NAALADL2: variants seen among roughly 807,000 people sequenced by gnomAD.
NAALADL2 encodes the protein N-acetylated alpha-linked acidic dipeptidase like 2, also known as inactive N-acetylated-alpha-linked acidic dipeptidase-like protein 2.
Under a neutral mutation model 87.2 loss-of-function variants are expected in NAALADL2, and 76 were observed. The ratio of observed to expected loss-of-function variants is 0.87; its 90% CI spans 0.72 to 1.05. The LOEUF is 1.05. NAALADL2 is among the 50% of genes least tolerant of loss of function. The probability of loss-of-function intolerance (pLI) is 0.00; values close to 1 mark genes in which losing one functional copy is unlikely to be tolerated. For missense variants in NAALADL2, 1,089 were observed against 945.8 expected (o/e 1.15, Z -1.99); for synonymous variants, 354 against 331.0 (o/e 1.07, Z -0.75).
chr3:175,574,427 T>C (rs1225119945), intron 9 of NAALADL2, among the ~76,000 whole-genome samples: 3 of 152,126 alleles, frequency 2.0e-5, no homozygotes, highest in Admixed American at 6.5e-5. Flanking sequence ...AGAGTACTGA[T>C]TGGGTGTTTT....
At chr3:174,498,618 A>G (rs918748191) in intron 1 of NAALADL2, among the ~76,000 whole-genome samples, 1 of 150,110 alleles carries the variant, frequency 6.7e-6, no homozygotes, top group South Asian at 2.1e-4. Context: ...GATAAACTAT[A>G]TATAAACATA....
intron 2 of NAALADL2, chr3:174,551,267 C>T (rs1712097951): frequency 2.0e-5 from 3 of 152,042 alleles, no homozygotes; most frequent in Admixed American, 2.0e-4. Context: ...TTTGATACTA[C>T]CAAGTTTTTG....
intron 1 of NAALADL2, among the ~76,000 whole-genome samples, chr3:175,095,274 G>A (rs1720950760): frequency 6.6e-6 from 1 of 151,982 alleles, no homozygotes; most frequent in Non-Finnish European, 1.5e-5. Flanking sequence ...TTTTCTGCTA[G>A]AATCAATCAC....
At chr3:175,696,756 G>T (rs974982140) in intron 11 of NAALADL2, among the ~76,000 whole-genome samples, 17 of 152,096 alleles carry the variant, frequency 1.1e-4, no homozygotes, top group African/African-American at 4.1e-4. Context: ...ATAAAGAAAA[G>T]AAGTTTATTT....
chr3:175,187,866 C>A (rs1463478040), intron 2 of NAALADL2, among the ~76,000 whole-genome samples: 2 of 152,092 alleles, frequency 1.3e-5, no homozygotes, highest in African/African-American at 4.8e-5. Flanking sequence ...CTACAAGGAG[C>A]AAATAAACAC....
chr3:174,485,274 G>A lies in NAALADL2; in HGVS notation c.-184+44242G>A, dbSNP rs555445020. Among the ~76,000 whole-genome samples the A allele has an allele frequency of 1.4e-3, 213 of 151,972 alleles. 2 individuals carry two copies. Among genetic ancestry groups the A allele is most frequent in the African/African-American group, 4.9e-3 (202 of 41,508 alleles). ...TAAAGTATATGGGAGGATGTGCATA[G>A]GTTCTATGCAAATACTATGCAAGTT... On this transcript the variant is annotated intron_variant, in intron 1 of 3. Transcript: ENST00000434257.
chr3:174,797,862 G>A (rs1273963281), intron 3 of NAALADL2, among the ~76,000 whole-genome samples: 1 of 152,090 alleles, frequency 6.6e-6, no homozygotes, highest in Non-Finnish European at 1.5e-5. Flanking sequence ...CACAAATGTT[G>A]TAAATTTTGA....
intron 1 of NAALADL2, among the ~76,000 whole-genome samples, chr3:174,988,156 A>G (rs1015074030): frequency 1.3e-5 from 2 of 152,160 alleles, no homozygotes; most frequent in Non-Finnish European, 1.5e-5. Context: ...AGTTCTGCTC[A>G]TGAATCAAAG....
chr3:175,536,498 T>C (rs9861060), intron 9 of NAALADL2, among the ~76,000 whole-genome samples: 100,669 of 152,032 alleles, frequency 0.66, 36,875 homozygotes, highest in East Asian at 0.87. Context: ...CTGTACATGA[T>C]AGTAACAATT....
chr3:175,745,135 T>G (rs886657733), intron 12 of NAALADL2, among the ~76,000 whole-genome samples: 17 of 152,182 alleles, frequency 1.1e-4, no homozygotes, highest in African/African-American at 4.1e-4. Flanking sequence ...CAGACCATTC[T>G]CAACCGTTCT....
chr3:175,502,094 A>G (rs996529343), intron 9 of NAALADL2, among the ~76,000 whole-genome samples: 2 of 152,126 alleles, frequency 1.3e-5, no homozygotes, highest in African/African-American at 4.8e-5. Context: ...ATTGTGGGGA[A>G]CTAAAGAATA....
Position 174,913,864 on chromosome 3 carries a change from A to G in NAALADL2, c.43+54414A>G, listed in dbSNP as rs907712307. ...TAATATGTCCCAATACAATAAAAAT[A>G]TAATTAGAAAATGTTAGTCTTATCT... On this transcript the variant is annotated intron_variant, in intron 1 of 13. Coordinates refer to ENST00000454872, the MANE Select transcript of NAALADL2 (RefSeq NM_207015.3). Among the ~76,000 whole-genome samples, 7 of 152,146 alleles carry G rather than the reference A, an allele frequency of 4.6e-5. 1 individual carries two copies. Among genetic ancestry groups the G allele is most frequent in the Admixed American group, 3.3e-4 (5 of 15,270 alleles).
intron 2 of NAALADL2, among the ~76,000 whole-genome samples, chr3:174,729,421 G>A (rs1197235879): frequency 6.6e-6 from 1 of 152,034 alleles, no homozygotes; most frequent in Non-Finnish European, 1.5e-5. Flanking sequence ...TAAGTAGCAA[G>A]GCCAGACTTT....
intron 5 of NAALADL2, among the ~76,000 whole-genome samples, chr3:175,341,589 T>C (rs192886631): frequency 4.2e-4 from 64 of 152,252 alleles, no homozygotes; most frequent in Middle Eastern, 3.4e-3. Context: ...ACAAACTGTT[T>C]TCTATAGAGG....
chr3:175,463,503 G>T lies in NAALADL2; in HGVS notation c.1327+10G>T, dbSNP rs772502779. ...GGCTTGACATCTCCAGGTAAGTAGG[G>T]TTGAAAATTTATAATCTACACTTTA... On this transcript the variant is annotated intron_variant, in intron 7 of 13. Transcript: ENST00000454872. The T allele has an allele frequency of 2.0e-6, 3 of 1,481,062 alleles. No homozygotes were observed. The allele number at this position is 1,481,062 out of a possible 1,614,324, so 91.7% of individuals were successfully genotyped here.
chr3:175,226,775 A>G (rs1362442559), intron 2 of NAALADL2, among the ~76,000 whole-genome samples: 1 of 152,150 alleles, frequency 6.6e-6, no homozygotes, highest in Non-Finnish European at 1.5e-5. Flanking sequence ...TTGCAAGGGA[A>G]GGCTACGGGA....
chr3:174,667,514 A>C (rs1402467563), intron 2 of NAALADL2, among the ~76,000 whole-genome samples: 1 of 146,684 alleles, frequency 6.8e-6, no homozygotes, highest in Non-Finnish European at 1.5e-5. Context: ...AATGAGGTAG[A>C]GGTGGCTGAA....
intron 1 of NAALADL2, among the ~76,000 whole-genome samples, chr3:174,889,698 A>G (rs749777496): frequency 3.3e-5 from 5 of 151,772 alleles, no homozygotes; most frequent in Non-Finnish European, 5.9e-5. Flanking sequence ...TTGCCTTTCC[A>G]TGAAAGAAGA....
rs372645911 is a variant in NAALADL2, at chr3:175,742,555, A to G, written c.1990+5156A>G. On this transcript the variant is annotated intron_variant, in intron 12 of 13. Transcript: ENST00000454872. ...TGGGACTACAGGCGCCCACCACCACACCCGGCTAATTTTTTGTATTTTTAG... is the reference window on the plus strand; with the variant it reads ...TGGGACTACAGGCGCCCACCACCACGCCCGGCTAATTTTTTGTATTTTTAG... Among the ~76,000 whole-genome samples, 1,474 of 151,026 alleles carry G rather than the reference A, an allele frequency of 9.8e-3. 24 individuals are homozygous for G. The highest frequency in any genetic ancestry group is 0.032 in the African/African-American group (1,323 of 40,888).
Sources: gnomAD v4.1 joint callset for allele counts (sites outside exome capture counted in the v4.1 genomes callset) on GRCh38, gnomAD v4.1.1 for gene constraint, MANE v1.5 for transcripts, NCBI Gene and HGNC (gene_info 2026-07-23, HGNC 2026-07-21) for gene names.